The following KIAA1217 variants were observed in gnomAD, a reference collection of about 807,000 sequenced individuals.
KIAA1217 encodes KIAA1217.
Under a neutral mutation model 163.9 loss-of-function variants are expected in KIAA1217, and 88 were observed. The observed-to-expected ratio is 0.54, with a 90% CI of 0.45 to 0.64. The LOEUF (loss-of-function observed/expected upper bound fraction) is 0.64. KIAA1217 is among the 30% of genes least tolerant of loss of function. The pLI is 0.00. For synonymous variants in KIAA1217, 903 were observed against 923.1 expected, an observed-to-expected ratio of 0.98 and a Z score of 0.39; for missense variants, 2,372 against 2,475.0, an observed-to-expected ratio of 0.96 and a Z score of 0.88.
In KIAA1217 at chr10:24,219,611, T is replaced by G. The variant is rs193195966; in HGVS notation, c.71-15T>G. 3.2e-6 allele frequency: 5 copies of G among 1,559,106 alleles called. No individual in the cohort carries two copies. In the East Asian group the frequency reaches 6.8e-5, roughly 21 times the overall value. ...TGAAATCATTAATTGTGAACCGAAT[T>G]TTTTTGTCTTTCAGAACAAGGCAAA... On this transcript the variant is annotated splice_polypyrimidine_tract_variant and intron_variant, in intron 1 of 20. Coordinates refer to ENST00000376454, the MANE Select transcript of KIAA1217 (RefSeq NM_019590.5).
At chr10:24,283,933 G>A (rs532588221) in intron 2 of KIAA1217, among the ~76,000 whole-genome samples, 20 of 150,660 alleles carry the variant, frequency 1.3e-4, no homozygotes, top group African/African-American at 3.9e-4. Context: ...TTTTTGAGAC[G>A]GAGTCTCACT....
Position 24,467,733 on chromosome 10 carries a change from A to G in KIAA1217, c.847-5495A>G, listed in dbSNP as rs16924800. Among the ~76,000 whole-genome samples, 310 of 152,262 alleles carry G rather than the reference A, an allele frequency of 2.0e-3. 2 individuals are homozygous for G. Among genetic ancestry groups the G allele is most frequent in the African/African-American group, 7.2e-3 (298 of 41,550 alleles). ...GAGATGATAAGATTAGTAGCATCAGAGAGATCAGTGGCAGAATAAGGGACT... is the reference window on the plus strand; with the variant it reads ...GAGATGATAAGATTAGTAGCATCAGGGAGATCAGTGGCAGAATAAGGGACT... On this transcript the variant is annotated intron_variant, in intron 5 of 20. Coordinates refer to ENST00000376454, the MANE Select transcript of KIAA1217 (RefSeq NM_019590.5).
chr10:23,768,614 T>C (rs1834654009), intron 1 of KIAA1217, among the ~76,000 whole-genome samples: 1 of 152,202 alleles, frequency 6.6e-6, no homozygotes, highest in Non-Finnish European at 1.5e-5. Context: ...AAGTATAAGT[T>C]GCCATTTTAA....
At chr10:24,466,053 C>A (rs1457276088) in intron 5 of KIAA1217, among the ~76,000 whole-genome samples, 1 of 152,158 alleles carries the variant, frequency 6.6e-6, no homozygotes, top group Non-Finnish European at 1.5e-5. Flanking sequence ...TAATAGACAG[C>A]CTCCTTATCT....
intron 2 of KIAA1217, among the ~76,000 whole-genome samples, chr10:24,288,642 G>T (rs565443366): frequency 6.6e-6 from 1 of 152,204 alleles, no homozygotes. Flanking sequence ...GGAACAAAAG[G>T]ATAAGAGGCA....
intron 2 of KIAA1217, among the ~76,000 whole-genome samples, chr10:24,244,262 A>G (rs1320154425): frequency 1.3e-5 from 2 of 152,208 alleles, no homozygotes; most frequent in Non-Finnish European, 2.9e-5. Flanking sequence ...TCGGCTGGCT[A>G]CCGGGGAGGT....
At chr10:24,327,023 GT>G (rs1232179934) in intron 2 of KIAA1217, among the ~76,000 whole-genome samples, 2 of 152,096 alleles carry the variant, frequency 1.3e-5, no homozygotes, top group Admixed American at 6.5e-5. Flanking sequence ...GCTTCTTAGT[GT>G]TTTCAAAACA....
chr10:24,445,216 G>A (rs1004673118), intron 5 of KIAA1217, among the ~76,000 whole-genome samples: 1 of 152,008 alleles, frequency 6.6e-6, no homozygotes, highest in Non-Finnish European at 1.5e-5. Context: ...TCACACATCT[G>A]ATCAATGTTG....
At chr10:24,347,902 C>T (rs1025957771) in intron 2 of KIAA1217, among the ~76,000 whole-genome samples, 2 of 152,298 alleles carry the variant, frequency 1.3e-5, no homozygotes, top group South Asian at 4.1e-4. Context: ...ATATCCATCA[C>T]CACACATGGT....
chr10:24,258,586 CTTT>C (rs34467674), intron 2 of KIAA1217, among the ~76,000 whole-genome samples: 1 of 138,308 alleles, frequency 7.2e-6, no homozygotes, highest in Non-Finnish European at 1.6e-5. Flanking sequence ...GGGCTTACTT[CTTT>C]TTTTTTTTTT....
At chr10:24,446,899 C>G (rs955452315) in intron 5 of KIAA1217, among the ~76,000 whole-genome samples, 4 of 152,224 alleles carry the variant, frequency 2.6e-5, no homozygotes, top group African/African-American at 9.6e-5. Flanking sequence ...CAGGCCAACT[C>G]TAGAACTGGC....
chr10:23,779,976 G>C (rs1835183525), intron 1 of KIAA1217, among the ~76,000 whole-genome samples: 1 of 152,136 alleles, frequency 6.6e-6, no homozygotes, highest in Non-Finnish European at 1.5e-5. Context: ...ATATAGCCTA[G>C]GTGTGTAGTA....
chr10:24,142,037 T>C (rs1305447351), intron 2 of KIAA1217, among the ~76,000 whole-genome samples: 2 of 151,966 alleles, frequency 1.3e-5, no homozygotes, highest in African/African-American at 2.4e-5. Context: ...GTTCATCATA[T>C]AATCAATATT....
Position 23,906,254 on chromosome 10 carries a change from GCACACA to G in KIAA1217, c.-320-100956_-320-100951del, listed in dbSNP as rs150497888. On this transcript the variant is annotated intron_variant, in intron 1 of 18. Transcript: ENST00000376462. ...GACATGAACATTCAAACCATAGGAA[GCACACA>G]CACACACACACACAAAAATACACAT... Among the ~76,000 whole-genome samples, 816 of 148,838 alleles carry G rather than the reference GCACACA, an allele frequency of 5.5e-3. 9 individuals carry two copies. Among genetic ancestry groups the G allele is most frequent in the African/African-American group, 0.019 (756 of 39,898 alleles).
At chr10:23,847,232 G>A (rs748572019) in intron 1 of KIAA1217, among the ~76,000 whole-genome samples, 1 of 152,160 alleles carries the variant, frequency 6.6e-6, no homozygotes. Flanking sequence ...TTTGGTAACA[G>A]GATGATGCCG....
In KIAA1217 at chr10:24,521,768, G is replaced by A; in HGVS notation, c.2309-14G>A. 1 of 1,607,938 alleles carries A rather than the reference G, an allele frequency of 6.2e-7. No individual in the cohort carries two copies. Among genetic ancestry groups the A allele is most frequent in the Non-Finnish European group, 8.5e-7 (1 of 1,177,438 alleles). On this transcript the variant is annotated splice_polypyrimidine_tract_variant and intron_variant, in intron 11 of 20. Transcript: ENST00000376454. The stretch of plus-strand genomic sequence containing the variant: ...TTTTTCTCCTCCAATTCACCTGCTG[G>A]TTTGGGCCTGCAGGAGAATTTCCAA...
At chr10:24,286,459 CACACACACACACATACACAT>C (rs2078552043) in intron 2 of KIAA1217, among the ~76,000 whole-genome samples, 1 of 151,772 alleles carries the variant, frequency 6.6e-6, no homozygotes, top group African/African-American at 2.4e-5. Flanking sequence ...TATATATACA[CACACACACACACATACACAT>C]ACACACACAC....
intron 1 of KIAA1217, among the ~76,000 whole-genome samples, chr10:23,771,396 G>A (rs556934255): frequency 4.6e-5 from 7 of 152,280 alleles, no homozygotes; most frequent in African/African-American, 1.7e-4. Flanking sequence ...TTGGGAAAAT[G>A]TATGTTTTTG....
In KIAA1217 at chr10:24,514,686, C is replaced by T. The variant is rs941892224; in HGVS notation, c.2177+1252C>T. On this transcript the variant is annotated intron_variant, in intron 10 of 20. Coordinates refer to ENST00000376454, the MANE Select transcript of KIAA1217 (RefSeq NM_019590.5). ...TAGGTCTCCAGTTTCTTCTTTAAAA[C>T]TTCTTTTAAAATGCATATCCTGGCT... Among the ~76,000 whole-genome samples the T allele has an allele frequency of 4.6e-5, 7 of 152,138 alleles. No homozygotes were observed. The East Asian group carries it at 7.7e-4, about 17-fold the overall frequency.
Sources: gnomAD v4.1 joint callset for allele counts (sites outside exome capture counted in the v4.1 genomes callset) on GRCh38, gnomAD v4.1.1 for gene constraint, MANE v1.5 for transcripts, NCBI Gene and HGNC (gene_info 2026-07-23, HGNC 2026-07-21) for gene names.